Variants in ASIC2 observed in about 807,000 individuals in gnomAD.
ASIC2 encodes acid sensing ion channel subunit 2, also known as acid-sensing ion channel 2.
In ASIC2, 25 loss-of-function variants were observed where a neutral mutation model predicts 57.3. That is an observed-to-expected ratio of 0.44 (90% CI 0.32 to 0.61). The LOEUF is 0.61. Ranked by LOEUF, ASIC2 falls within the 20% of genes least tolerant of loss-of-function variation. The probability of loss-of-function intolerance (pLI) is 0.06; values close to 1 mark genes in which losing one functional copy is unlikely to be tolerated. For missense variants in ASIC2, 641 were observed against 738.1 expected, an observed-to-expected ratio of 0.87 and a Z score of 1.52; for synonymous variants, 319 against 307.5, an observed-to-expected ratio of 1.04 and a Z score of -0.39.
intron 1 of ASIC2, among the ~76,000 whole-genome samples, chr17:33,520,874 G>A (rs1388106820): frequency 6.6e-6 from 1 of 152,152 alleles, no homozygotes; most frequent in Non-Finnish European, 1.5e-5. Context: ...TCAGGCCCTG[G>A]GGTTAAGCCT....
chr17:33,812,697 G>A (rs1452083996), intron 1 of ASIC2, among the ~76,000 whole-genome samples: 1 of 152,188 alleles, frequency 6.6e-6, no homozygotes. Flanking sequence ...CAAGAGGGAT[G>A]TGGAAATGAC....
chr17:34,087,543 T>A (rs1910157224), intron 1 of ASIC2, among the ~76,000 whole-genome samples: 1 of 152,168 alleles, frequency 6.6e-6, no homozygotes, highest in African/African-American at 2.4e-5. Context: ...TCGAGGAGTA[T>A]CTTTGTGGCG....
chr17:33,201,514 C>T (rs554180775), intron 1 of ASIC2, among the ~76,000 whole-genome samples: 14 of 152,338 alleles, frequency 9.2e-5, no homozygotes, highest in Non-Finnish European at 1.6e-4. Flanking sequence ...AACATCTAAA[C>T]GTTACCACCC....
intron 1 of ASIC2, among the ~76,000 whole-genome samples, chr17:33,373,641 T>C (rs180980771): frequency 6.6e-6 from 1 of 152,116 alleles, no homozygotes; most frequent in Admixed American, 6.5e-5. Flanking sequence ...CAATTGCTCC[T>C]GTAGATAACA....
intron 1 of ASIC2, among the ~76,000 whole-genome samples, chr17:33,273,683 C>A (rs1904595473): frequency 1.3e-5 from 2 of 152,210 alleles, no homozygotes; most frequent in South Asian, 4.1e-4. Flanking sequence ...CTCACAACTG[C>A]AAATACCACC....
At chr17:33,234,778 T>C (rs1409887774) in intron 1 of ASIC2, among the ~76,000 whole-genome samples, 2 of 152,208 alleles carry the variant, frequency 1.3e-5, no homozygotes. Context: ...GTAATAATCC[T>C]AGTTGTGAGG....
intron 1 of ASIC2, among the ~76,000 whole-genome samples, chr17:33,416,808 G>A (rs1345197316): frequency 1.3e-5 from 2 of 152,166 alleles, no homozygotes; most frequent in East Asian, 3.9e-4. Flanking sequence ...CCTTTAAATA[G>A]GTGGCGCTGC....
At chr17:33,423,753 T>C (rs1167588537) in intron 1 of ASIC2, among the ~76,000 whole-genome samples, 1 of 152,186 alleles carries the variant, frequency 6.6e-6, no homozygotes, top group Non-Finnish European at 1.5e-5. Context: ...ATCACACTCT[T>C]GTTCATATCC....
At chr17:33,564,495 CTGTT>C (rs554385406) in intron 1 of ASIC2, among the ~76,000 whole-genome samples, 7 of 152,212 alleles carry the variant, frequency 4.6e-5, no homozygotes, top group Non-Finnish European at 1.0e-4. Flanking sequence ...GTACAAAACT[CTGTT>C]TGGGTTTCCT....
intron 1 of ASIC2, among the ~76,000 whole-genome samples, chr17:34,109,690 C>T (rs1346973623): frequency 1.3e-5 from 2 of 152,260 alleles, no homozygotes; most frequent in Middle Eastern, 3.4e-3. Context: ...TTATATAAAC[C>T]TGCATCTTTT....
At chr17:34,107,725 C>T (rs1322889847) in intron 1 of ASIC2, among the ~76,000 whole-genome samples, 2 of 152,066 alleles carry the variant, frequency 1.3e-5, no homozygotes, top group African/African-American at 2.4e-5. Context: ...ATAGTTTGTT[C>T]TTTATTCCCT....
intron 1 of ASIC2, among the ~76,000 whole-genome samples, chr17:33,780,863 T>C (rs1911430100): frequency 1.3e-5 from 2 of 152,176 alleles, no homozygotes; most frequent in Non-Finnish European, 2.9e-5. Flanking sequence ...TAGATATGAC[T>C]CTTGGGCTCT....
At chr17:33,576,971 A>G (rs34119104) in intron 1 of ASIC2, among the ~76,000 whole-genome samples, 2,027 of 152,342 alleles carry the variant, frequency 0.013, 38 homozygotes, top group African/African-American at 0.045. Context: ...CGCTCAAAAT[A>G]GGGCCTGACA....
At chr17:33,089,946 C>T (rs1386154259) in intron 2 of ASIC2, among the ~76,000 whole-genome samples, 1 of 152,192 alleles carries the variant, frequency 6.6e-6, no homozygotes, top group Admixed American at 6.5e-5. Context: ...TAAGCCTTTA[C>T]CAGATCCCCC....
At chr17:33,067,355 G>A (rs1436185164) in intron 3 of ASIC2, among the ~76,000 whole-genome samples, 2 of 152,204 alleles carry the variant, frequency 1.3e-5, no homozygotes, top group African/African-American at 4.8e-5. Context: ...GGCATGGAAG[G>A]AAGTGTTGGA....
intron 1 of ASIC2, among the ~76,000 whole-genome samples, chr17:33,768,399 A>G (rs1226872149): frequency 6.6e-6 from 1 of 152,094 alleles, no homozygotes; most frequent in Non-Finnish European, 1.5e-5. Flanking sequence ...AGAATCTCCA[A>G]TGCAAGATGC....
At chr17:33,392,509 C>A (rs1024606726) in intron 1 of ASIC2, among the ~76,000 whole-genome samples, 4 of 152,078 alleles carry the variant, frequency 2.6e-5, no homozygotes, top group African/African-American at 9.7e-5. Flanking sequence ...AGGCAATCTG[C>A]CTGCTTTGGC....
At chr17:33,596,063 T>A (rs1468527926) in intron 1 of ASIC2, among the ~76,000 whole-genome samples, 2 of 152,196 alleles carry the variant, frequency 1.3e-5, no homozygotes, top group Admixed American at 6.5e-5. Flanking sequence ...TTTTGGTGGC[T>A]TTTCTCGGAA....
intron 1 of ASIC2, among the ~76,000 whole-genome samples, chr17:33,475,106 C>T (rs1385305618): frequency 1.3e-5 from 2 of 152,010 alleles, no homozygotes; most frequent in Non-Finnish European, 2.9e-5. Context: ...TATCTTTCAT[C>T]TCCACTCCCC....
Sources: allele counts gnomAD v4.1 joint callset (sites outside exome capture counted in the v4.1 genomes callset), GRCh38; gene constraint gnomAD v4.1.1; transcripts MANE v1.5; gene names NCBI Gene and HGNC (gene_info 2026-07-23, HGNC 2026-07-21).